RMDN2: variants seen among roughly 807,000 people sequenced by gnomAD.
RMDN2 encodes regulator of microtubule dynamics 2.
RMDN2 carries 61 observed loss-of-function variants against 52.8 expected under a neutral mutation model. That is an observed-to-expected ratio of 1.16 (90% CI 0.94 to 1.43). The LOEUF is 1.43. Ranked by LOEUF, RMDN2 falls within the 40% of genes most tolerant of loss-of-function variation. RMDN2 has a pLI of 0.00. For synonymous variants in RMDN2, 180 were observed against 153.1 expected (o/e 1.18, Z -1.30); for missense variants, 592 against 475.3 (o/e 1.25, Z -2.28).
intron 3 of RMDN2, 64 bp downstream of exon 3, chr2:37,974,278 CA>C (rs1672177681): frequency 9.5e-7 from 1 of 1,054,022 alleles, no homozygotes; most frequent in South Asian, 2.1e-5. Context: ...CCATCTGTTT[CA>C]GTTATAACTA....
At chr2:37,968,364 C>T (rs184079081) in intron 2 of RMDN2, among the ~76,000 whole-genome samples, 15 of 147,834 alleles carry the variant, frequency 1.0e-4, no homozygotes, top group Admixed American at 4.1e-4. Flanking sequence ...CACTTGAACC[C>T]GGAGGCGTAG....
intron 2 of RMDN2, among the ~76,000 whole-genome samples, chr2:37,942,744 A>G (rs867978494): frequency 1.3e-5 from 2 of 152,226 alleles, no homozygotes; most frequent in South Asian, 2.1e-4. Context: ...GAAAAGTCAC[A>G]TTAACATTTG....
intron 10 of RMDN2, among the ~76,000 whole-genome samples, chr2:38,015,563 C>CAA (rs397984334): frequency 0.019 from 1,867 of 98,448 alleles, 134 homozygotes; most frequent in Admixed American, 0.15. Flanking sequence ...GACTCCGTCT[C>CAA]AAAAAAAAAA....
intron 10 of RMDN2, among the ~76,000 whole-genome samples, chr2:38,037,495 T>G (rs1014958141): frequency 6.6e-6 from 1 of 152,182 alleles, no homozygotes; most frequent in African/African-American, 2.4e-5. Context: ...ATCCCAGAAG[T>G]GTGTGGCAAC....
At chr2:37,959,485 G>A (rs1471152512) in intron 2 of RMDN2, among the ~76,000 whole-genome samples, 2 of 151,016 alleles carry the variant, frequency 1.3e-5, no homozygotes, top group South Asian at 2.1e-4. Flanking sequence ...ATTTCTCTGG[G>A]ATCAGTGGTA....
intron 8 of RMDN2, among the ~76,000 whole-genome samples, chr2:38,001,885 G>C (rs143965219): frequency 1.1e-4 from 16 of 152,332 alleles, no homozygotes; most frequent in African/African-American, 3.4e-4. Context: ...AGAAGAAGCA[G>C]AAGAACCAGA....
At chr2:37,935,486 T>C (rs947430214) in intron 2 of RMDN2, among the ~76,000 whole-genome samples, 1 of 152,248 alleles carries the variant, frequency 6.6e-6, no homozygotes, top group African/African-American at 2.4e-5. Context: ...GCCTTGCTGT[T>C]ATAGTTGTCT....
intron 5 of RMDN2, among the ~76,000 whole-genome samples, chr2:37,982,904 A>G (rs559562178): frequency 6.6e-6 from 1 of 152,262 alleles, no homozygotes; most frequent in East Asian, 1.9e-4. Context: ...ATTTGTGGTG[A>G]TCAAGCCCTA....
chr2:37,929,393 T>C lies in RMDN2; in HGVS notation c.116T>C (p.Leu39Ser). The change falls in exon 2 of 11, where the codon TTA becomes TCA. Residue 39 changes from leucine (L) to serine (S), a missense_variant. Physicochemically the swap from Leu to Ser is moderately radical, Grantham distance 145 (BLOSUM62 -2). Transcript: ENST00000354545. ...CGTAAACCAGGGATAGCAATGAAGT[T>C]ACCTGAATTTCTTTCTCTGGGTAAT... ...KVRKPGIAMK[L>S]PEFLSLGNTF... 1 of 1,551,534 alleles carries C rather than the reference T, an allele frequency of 6.4e-7. No homozygotes were observed. Among genetic ancestry groups the C allele is most frequent in the East Asian group, 2.4e-5 (1 of 40,910 alleles).
intron 10 of RMDN2, among the ~76,000 whole-genome samples, chr2:38,062,624 A>G (rs1682096951): frequency 1.3e-5 from 2 of 151,604 alleles, no homozygotes; most frequent in African/African-American, 4.8e-5. Flanking sequence ...TTTTAATTTT[A>G]TTATTATTAT....
At chr2:38,009,031 C>T (rs1558545915) in intron 10 of RMDN2, among the ~76,000 whole-genome samples, 1 of 152,156 alleles carries the variant, frequency 6.6e-6, no homozygotes, top group Non-Finnish European at 1.5e-5. Flanking sequence ...GGAATATTGG[C>T]CCCCACTCTC....
At chr2:38,024,609 C>A (rs1276264886) in intron 10 of RMDN2, among the ~76,000 whole-genome samples, 2 of 151,986 alleles carry the variant, frequency 1.3e-5, no homozygotes, top group Non-Finnish European at 2.9e-5. Context: ...AATATTTTGC[C>A]CATTATTTAA....
chr2:38,014,222 AT>A lies in RMDN2; in HGVS notation c.1180-2962del, dbSNP rs542980163. Among the ~76,000 whole-genome samples, 338 of 152,302 alleles carry A rather than the reference AT, an allele frequency of 2.2e-3. 2 individuals carry two copies. Among genetic ancestry groups the A allele is most frequent in the African/African-American group, 7.8e-3 (323 of 41,554 alleles). On this transcript the variant is annotated intron_variant, in intron 10 of 10. Transcript: ENST00000354545. ...AGTGAAACTCCGTCGCAAAAAAAAA[AT>A]TAATAAGGCTATTACAGTATAGATA...
chr2:38,042,428 A>ACACACACACAC (rs1681022663), intron 10 of RMDN2, among the ~76,000 whole-genome samples: 1 of 136,594 alleles, frequency 7.3e-6, no homozygotes, highest in Admixed American at 7.1e-5. Flanking sequence ...CACACACCAC[A>ACACACACACAC]CACACACACA....
intron 2 of RMDN2, among the ~76,000 whole-genome samples, chr2:37,948,809 A>C (rs1406462980): frequency 1.3e-5 from 2 of 152,088 alleles, no homozygotes; most frequent in African/African-American, 2.4e-5. Context: ...ATAATCATAG[A>C]TTTGCTTGAA....
chr2:37,979,597 ATCTT>A (rs1176238598), intron 4 of RMDN2, among the ~76,000 whole-genome samples: 10 of 152,224 alleles, frequency 6.6e-5, no homozygotes, highest in Non-Finnish European at 1.2e-4. Flanking sequence ...TATGATATGA[ATCTT>A]TATTTAAAGA....
intron 10 of RMDN2, chr2:38,029,274 T>C (rs1021080883): frequency 2.6e-5 from 4 of 152,084 alleles, no homozygotes; most frequent in Non-Finnish European, 5.9e-5. Flanking sequence ...GCCCTTTGCT[T>C]GGTTTTTATT....
chr2:38,032,707 C>T (rs184623866), intron 10 of RMDN2, among the ~76,000 whole-genome samples: 27 of 152,216 alleles, frequency 1.8e-4, no homozygotes, highest in African/African-American at 5.3e-4. Context: ...GGCATGATGG[C>T]GGGTTCCTGT....
intron 2 of RMDN2, among the ~76,000 whole-genome samples, chr2:37,969,890 C>A (rs577300892): frequency 6.6e-6 from 1 of 151,594 alleles, no homozygotes; most frequent in Admixed American, 6.6e-5. Flanking sequence ...CTCCTGCTTG[C>A]TTCCTTGCTT....
Sources: gnomAD v4.1 joint callset for allele counts (sites outside exome capture counted in the v4.1 genomes callset) on GRCh38, gnomAD v4.1.1 for gene constraint, MANE v1.5 for transcripts, NCBI Gene and HGNC (gene_info 2026-07-23, HGNC 2026-07-21) for gene names.